The following GLRA2 variants were observed in gnomAD, a reference collection of about 807,000 sequenced individuals.
GLRA2 encodes glycine receptor alpha 2, also known as glycine receptor subunit alpha-2.
In GLRA2, 11 loss-of-function variants were observed where a neutral mutation model predicts 31.6. The ratio of observed to expected loss-of-function variants is 0.35; its 90% CI spans 0.22 to 0.58. The LOEUF is 0.58. Ranked by LOEUF, GLRA2 falls within the 20% of genes least tolerant of loss-of-function variation. GLRA2 has a pLI of 0.84. For missense variants in GLRA2, 212 were observed against 351.8 expected (o/e 0.60, Z 3.18); for synonymous variants, 132 against 134.0 (o/e 0.99, Z 0.10).
chrX:14,667,917 T>C (rs923839786), intron 7 of GLRA2, among the ~76,000 whole-genome samples: 1 of 112,254 alleles, frequency 8.9e-6, no homozygotes, highest in African/African-American at 3.2e-5. Context: ...TTACAGTTTT[T>C]ATGAGCATTT....
chrX:14,499,361 T>C, the GLRA2 span, among the ~76,000 whole-genome samples: 2 of 111,500 alleles, frequency 1.8e-5, no homozygotes, highest in Non-Finnish European at 3.8e-5. Context: ...TGATTAATGA[T>C]GTTGAGCATT....
At chrX:14,629,836 T>C (rs2090624647) in intron 7 of GLRA2, among the ~76,000 whole-genome samples, 1 of 111,987 alleles carries the variant, frequency 8.9e-6, no homozygotes, top group African/African-American at 3.2e-5. Context: ...TCTCATATAG[T>C]ATAAGAGCCC....
At chrX:14,667,149 A>C (rs1373988990) in intron 7 of GLRA2, among the ~76,000 whole-genome samples, 1 of 112,153 alleles carries the variant, frequency 8.9e-6, no homozygotes, top group Non-Finnish European at 1.9e-5. Context: ...GAATTTATTT[A>C]AGTGATTCCG....
the GLRA2 span, among the ~76,000 whole-genome samples, chrX:14,485,807 G>A: frequency 2.1e-4 from 23 of 111,592 alleles, no homozygotes; most frequent in African/African-American, 6.5e-4. Flanking sequence ...AAGCTCCAGA[G>A]TGATACTTTA....
chrX:14,478,581 G>A, the GLRA2 span, among the ~76,000 whole-genome samples: 11 of 111,813 alleles, frequency 9.8e-5, no homozygotes, highest in East Asian at 3.1e-3. Flanking sequence ...TGTTTAAATT[G>A]AGAACCTGCT....
the GLRA2 span, among the ~76,000 whole-genome samples, chrX:14,504,175 A>G: frequency 1.8e-5 from 2 of 112,309 alleles, no homozygotes; most frequent in Admixed American, 1.9e-4. Context: ...AAATAAAGTG[A>G]TGTTTTTCCT....
intron 5 of GLRA2, among the ~76,000 whole-genome samples, chrX:14,606,428 A>C (rs1489262663): frequency 8.9e-6 from 1 of 111,791 alleles, no homozygotes; most frequent in African/African-American, 3.2e-5. Flanking sequence ...AAGTCATATA[A>C]AAATATGATC....
At chrX:14,557,254 T>C (rs1187296211) in intron 2 of GLRA2, among the ~76,000 whole-genome samples, 1 of 107,035 alleles carries the variant, frequency 9.3e-6, no homozygotes, top group Non-Finnish European at 1.9e-5. Flanking sequence ...TAGCTGGGAC[T>C]ACAGGCGCCC....
In GLRA2 at chrX:14,529,898, C is replaced by T; in HGVS notation, c.-160C>T. 2.1e-6 allele frequency: 1 copy of T among 482,221 alleles called. No homozygotes were observed. Among genetic ancestry groups the T allele is most frequent in the Non-Finnish European group, 3.6e-6 (1 of 275,133 alleles). The allele number at this position is 482,221 out of a possible 1,213,427, so 39.7% of individuals were successfully genotyped here. ...ATGATGCCCAGGACTGGCACTTTTT[C>T]TTTTTTCTCAGCAAACTGTACAAAA... On this transcript the variant is annotated 5_prime_UTR_variant, in exon 1 of 9. Coordinates refer to ENST00000218075, the MANE Select transcript of GLRA2 (RefSeq NM_002063.4).
chrX:14,488,436 C>T, the GLRA2 span, among the ~76,000 whole-genome samples: 2 of 111,724 alleles, frequency 1.8e-5, no homozygotes, highest in South Asian at 3.7e-4. Context: ...GAGCTAACAT[C>T]CCTCTTTAAA....
intron 8 of GLRA2, among the ~76,000 whole-genome samples, chrX:14,699,943 C>G (rs2091515158): frequency 8.9e-6 from 1 of 111,796 alleles, no homozygotes; most frequent in South Asian, 3.7e-4. Flanking sequence ...CGCAGGGACA[C>G]ATAGAGGGGA....
chrX:14,461,624 A>G, the GLRA2 span, among the ~76,000 whole-genome samples: 4 of 110,326 alleles, frequency 3.6e-5, no homozygotes, highest in Non-Finnish European at 7.6e-5. Flanking sequence ...GTCTCTTTTG[A>G]TCTTTGTTGG....
At chrX:14,523,911 A>G in the GLRA2 span, among the ~76,000 whole-genome samples, 2 of 112,066 alleles carry the variant, frequency 1.8e-5, no homozygotes, top group Non-Finnish European at 1.9e-5. Context: ...TGTTCATAAC[A>G]TCCTTAGCAG....
chrX:14,648,288 G>A (rs948693089), intron 7 of GLRA2, among the ~76,000 whole-genome samples: 12 of 111,433 alleles, frequency 1.1e-4, no homozygotes, highest in African/African-American at 3.6e-4. Flanking sequence ...CGTACTCTAA[G>A]GTAAGTGTAC....
intron 7 of GLRA2, among the ~76,000 whole-genome samples, chrX:14,614,851 T>C (rs2090438260): frequency 8.9e-6 from 1 of 111,863 alleles, no homozygotes; most frequent in Admixed American, 9.5e-5. Context: ...CCACCTTCTA[T>C]CCATCTTTAG....
At chrX:14,673,745 G>C (rs17216008) in intron 7 of GLRA2, among the ~76,000 whole-genome samples, 30,284 of 111,390 alleles carry the variant, frequency 0.27, 3,223 homozygotes, top group Non-Finnish European at 0.34. Context: ...TTAGGGTAGG[G>C]AGTAAATGCA....
At chrX:14,625,471 T>C (rs7881299) in intron 7 of GLRA2, among the ~76,000 whole-genome samples, 3,152 of 111,767 alleles carry the variant, frequency 0.028, 72 homozygotes, top group African/African-American at 0.078. Context: ...GGCGTGTTTT[T>C]GCAGTGGCTG....
At chrX:14,716,176 T>C (rs1175213492) in intron 8 of GLRA2, among the ~76,000 whole-genome samples, 1 of 111,144 alleles carries the variant, frequency 9.0e-6, no homozygotes, top group Non-Finnish European at 1.9e-5. Context: ...CTTAAATATA[T>C]CAACCAGCTA....
At chrX:14,484,093 C>T in the GLRA2 span, among the ~76,000 whole-genome samples, 1 of 111,050 alleles carries the variant, frequency 9.0e-6, no homozygotes, top group Non-Finnish European at 1.9e-5. Context: ...TTAATAAACT[C>T]GTATATGTAT....
Sources: gnomAD v4.1 joint callset for allele counts (sites outside exome capture counted in the v4.1 genomes callset) on GRCh38, gnomAD v4.1.1 for gene constraint, MANE v1.5 for transcripts, NCBI Gene and HGNC (gene_info 2026-07-23, HGNC 2026-07-21) for gene names.